The following DLEU7 variants were observed in gnomAD, a reference collection of about 807,000 sequenced individuals.
The protein encoded by DLEU7 is deleted in lymphocytic leukemia 7, also known as leukemia-associated protein 7.
A neutral mutation model predicts 16.0 loss-of-function variants in DLEU7; 17 were observed. The ratio of observed to expected loss-of-function variants is 1.06; its 90% CI spans 0.73 to 1.59. DLEU7 has a LOEUF of 1.59. DLEU7 is among the 40% of genes most tolerant of loss of function. The probability of loss-of-function intolerance (pLI) is 0.00; values close to 1 mark genes in which losing one functional copy is unlikely to be tolerated. For synonymous variants in DLEU7, 113 were observed against 139.8 expected, an observed-to-expected ratio of 0.81 and a Z score of 1.35; for missense variants, 308 against 314.9, an observed-to-expected ratio of 0.98 and a Z score of 0.17.
In DLEU7 at chr13:50,793,247, G is replaced by A. The variant is rs879180767; in HGVS notation, c.459+49941C>T. On this transcript the variant is annotated intron_variant, in intron 1 of 1. Coordinates refer to the DLEU7 transcript ENST00000400393. Reference sequence around the variant, plus strand: ...TAATGACTGTGTAGTATTCCATGGCGTATATGTACCACATTTTAAAAATTC... The same window carrying A: ...TAATGACTGTGTAGTATTCCATGGCATATATGTACCACATTTTAAAAATTC... Among the ~76,000 whole-genome samples the A allele has an allele frequency of 1.4e-4, 22 of 151,956 alleles. 1 individual carries two copies. The highest frequency in any genetic ancestry group is 3.2e-3 in the Middle Eastern group (1 of 316).
chr13:50,820,732 C>T (rs910118042), downstream of DLEU7, among the ~76,000 whole-genome samples: 15 of 151,848 alleles, frequency 9.9e-5, no homozygotes, highest in Admixed American at 8.5e-4. Context: ...TCCAGAACAG[C>T]GCTATCTCAT....
In DLEU7 at chr13:50,718,982, A is replaced by G. The variant is rs567675781; in HGVS notation, c.460-5742T>C. Among the ~76,000 whole-genome samples the G allele has an allele frequency of 3.9e-5, 6 of 152,340 alleles. No individual in the cohort carries two copies. The East Asian group carries it at 1.2e-3, about 29-fold the overall frequency. On this transcript the variant is annotated intron_variant, in intron 1 of 1. Coordinates refer to the DLEU7 transcript ENST00000400393. ...TGTAATGAGGTCTTCCCATTAACAA[A>G]TTCAGTTAAAGTCACTAGGAATTAA... is the stretch of plus-strand genomic sequence containing the variant.
chr13:50,825,950 G>T (rs895111168), intron 1 of DLEU7, among the ~76,000 whole-genome samples: 1 of 151,964 alleles, frequency 6.6e-6, no homozygotes, highest in South Asian at 2.1e-4. Context: ...ATGTTGGTGT[G>T]CTGCACCCAT....
At chr13:50,713,223 A>G (rs1412005383) in exon 2 of DLEU7, 1 of 1,611,342 alleles carries the variant, frequency 6.2e-7, no homozygotes, top group Non-Finnish European at 8.5e-7. Context: ...TTCTTCACTC[A>G]TTAGCCAGGA....
chr13:50,786,839 C>T (rs1875805236), intron 1 of DLEU7, among the ~76,000 whole-genome samples: 1 of 151,986 alleles, frequency 6.6e-6, no homozygotes, highest in Non-Finnish European at 1.5e-5. Context: ...GATAAGATTG[C>T]CAGGTTAGAT....
intron 1 of DLEU7, among the ~76,000 whole-genome samples, chr13:50,713,901 C>T (rs746472147): frequency 7.9e-5 from 12 of 152,322 alleles, no homozygotes; most frequent in African/African-American, 2.4e-4. Flanking sequence ...GATGTGAAAA[C>T]GACCCAGACT....
chr13:50,747,613 C>G (rs1182758831), intron 1 of DLEU7, among the ~76,000 whole-genome samples: 3 of 152,068 alleles, frequency 2.0e-5, no homozygotes, highest in Non-Finnish European at 4.4e-5. Flanking sequence ...CACCACTTCC[C>G]ATTCCGCCAC....
chr13:50,800,865 G>A (rs1876227973), intron 1 of DLEU7, among the ~76,000 whole-genome samples: 1 of 152,058 alleles, frequency 6.6e-6, no homozygotes. Context: ...TGTTTTCCTG[G>A]TGTTTTAGTG....
chr13:50,731,275 C>T (rs1263379244), intron 1 of DLEU7, among the ~76,000 whole-genome samples: 1 of 152,186 alleles, frequency 6.6e-6, no homozygotes, highest in African/African-American at 2.4e-5. Flanking sequence ...TTGCTTCATT[C>T]TTTCATTGCT....
intron 1 of DLEU7, among the ~76,000 whole-genome samples, chr13:50,790,600 G>A (rs1250053177): frequency 2.0e-5 from 3 of 152,174 alleles, no homozygotes; most frequent in East Asian, 1.9e-4. Context: ...AAGGAGGCAT[G>A]TCTGGGGAAA....
chr13:50,843,325 C>A lies in DLEU7; in HGVS notation c.322G>T (p.Gly108Trp). The A allele has an allele frequency of 1.3e-6, 2 of 1,502,080 alleles. No homozygotes were observed. Among genetic ancestry groups the A allele is most frequent in the East Asian group, 2.7e-5 (1 of 37,134 alleles). The allele number at this position is 1,502,080 out of a possible 1,614,324, so 93.0% of individuals were successfully genotyped here. A position where few individuals can be genotyped will look rare whatever the true frequency, so the allele number is the denominator to read the frequency against. Residue 108 changes from glycine (G) to tryptophan (W), a missense_variant, in exon 1 of 2, where the codon GGG becomes TGG. Transcript: ENST00000504404. This position sits in a 1 kb window ranked among gnomAD's most constrained non-coding sequence, Gnocchi z 5.7. ...GCCATCTGGGCCAGGGTGCAGGGCC[C>A]GCGGTCCCGGGGGAAGGGCAGCAAC... is the stretch of plus-strand genomic sequence containing the variant. The part of the protein sequence containing the change: ...AELLPFPRDR[G>W]PCTLAQMAMR...
intron 1 of DLEU7, among the ~76,000 whole-genome samples, chr13:50,753,734 C>G (rs1874663511): frequency 6.6e-6 from 1 of 152,210 alleles, no homozygotes; most frequent in Non-Finnish European, 1.5e-5. Flanking sequence ...AGGCCTTGAC[C>G]ATCCCAGAAA....
intron 1 of DLEU7, among the ~76,000 whole-genome samples, chr13:50,791,241 G>A (rs1241909518): frequency 3.9e-5 from 6 of 152,210 alleles, no homozygotes; most frequent in Non-Finnish European, 8.8e-5. Flanking sequence ...TCTGAGCAAT[G>A]TGCAGGGTCA....
At chr13:50,843,790 C>T, upstream of DLEU7, 1 of 1,167,772 alleles carries the variant, frequency 8.6e-7, no homozygotes, top group Non-Finnish European at 1.1e-6. This position sits in a 1 kb window ranked among gnomAD's most constrained non-coding sequence, Gnocchi z 5.7. Flanking sequence ...TCGGCCCCGC[C>T]CCCGGCTCTG....
At chr13:50,761,359 T>C (rs1874923918) in intron 1 of DLEU7, among the ~76,000 whole-genome samples, 1 of 152,054 alleles carries the variant, frequency 6.6e-6, no homozygotes, top group Non-Finnish European at 1.5e-5. Flanking sequence ...TTAGCAGTGA[T>C]GATTTGAGTG....
chr13:50,782,643 A>G (rs1366082372), intron 1 of DLEU7, among the ~76,000 whole-genome samples: 1 of 152,122 alleles, frequency 6.6e-6, no homozygotes, highest in Non-Finnish European at 1.5e-5. Context: ...AAATAGCCCT[A>G]GTTTCCATAT....
At position 50,843,533 on chromosome 13, in the gene DLEU7, C is replaced by G; in HGVS notation, c.114G>C (p.Gly38=). The change falls in exon 1 of 2, where the codon GGG becomes GGC. Residue 38 remains glycine, a synonymous_variant. Coordinates refer to ENST00000504404, the MANE Select transcript of DLEU7 (RefSeq NM_001306135.2). The surrounding 1 kb of genome is among the most constrained non-coding windows in gnomAD (Gnocchi z 5.7). ...WGWGDGPVAP[G]NPRDPDHVST... ...ACACGTGGTCTGGGTCCCGCGGGTTCCCGGGGGCGACTGGACCGTCCCCCC... is the reference window on the plus strand; with the variant it reads ...ACACGTGGTCTGGGTCCCGCGGGTTGCCGGGGGCGACTGGACCGTCCCCCC... The G allele has an allele frequency of 7.0e-7, 1 of 1,437,532 alleles. No individual in the cohort carries two copies. The highest frequency in any genetic ancestry group is 9.0e-7 in the Non-Finnish European group (1 of 1,106,084). The allele number at this position is 1,437,532 out of a possible 1,614,324, so 89.0% of individuals were successfully genotyped here.
At chr13:50,785,615 G>A (rs974056415) in intron 1 of DLEU7, among the ~76,000 whole-genome samples, 14 of 152,306 alleles carry the variant, frequency 9.2e-5, no homozygotes, top group Non-Finnish European at 1.5e-4. Context: ...GGTAAATTAA[G>A]CTTTGTCTTC....
chr13:50,786,867 C>T (rs990839271), intron 1 of DLEU7, among the ~76,000 whole-genome samples: 2 of 151,940 alleles, frequency 1.3e-5, no homozygotes, highest in African/African-American at 2.4e-5. Context: ...GGGTAATGTC[C>T]AACATGCCAT....
Sources: allele counts gnomAD v4.1 joint callset (sites outside exome capture counted in the v4.1 genomes callset), GRCh38; gene constraint gnomAD v4.1.1; non-coding constraint Gnocchi (gnomAD v3.1); transcripts MANE v1.5; gene names NCBI Gene and HGNC (gene_info 2026-07-23, HGNC 2026-07-21).